Variants in RARB observed in about 807,000 individuals in gnomAD.
RARB encodes HBV-activated protein.
A neutral mutation model predicts 51.9 loss-of-function variants in RARB; 17 were observed. The observed-to-expected ratio is 0.33, with a 90% confidence interval of 0.22 to 0.49. The LOEUF is 0.49. Ranked by LOEUF, RARB falls within the 20% of genes least tolerant of loss-of-function variation. The probability of loss-of-function intolerance (pLI) is 0.99; values close to 1 mark genes in which losing one functional copy is unlikely to be tolerated. For missense variants in RARB, 369 were observed against 550.8 expected, an observed-to-expected ratio of 0.67 and a Z score of 3.30; for synonymous variants, 215 against 195.4, an observed-to-expected ratio of 1.10 and a Z score of -0.84.
intron 5 of RARB, among the ~76,000 whole-genome samples, chr3:25,404,409 C>T (rs1707350133): frequency 6.6e-6 from 1 of 152,164 alleles, no homozygotes; most frequent in Admixed American, 6.5e-5. Flanking sequence ...TCCCTGGAGC[C>T]ACCATTTTAC....
At chr3:25,033,528 T>A (rs961351945) in intron 2 of RARB, among the ~76,000 whole-genome samples, 1 of 152,198 alleles carries the variant, frequency 6.6e-6, no homozygotes, top group Non-Finnish European at 1.5e-5. Context: ...TGTCTCTATG[T>A]GGCTGCTGCT....
rs532844937 is a variant in RARB at position 25,143,455 on chromosome 3, C to T, written c.-280+11247C>T. On this transcript the variant is annotated intron_variant, in intron 4 of 11. Coordinates refer to the RARB transcript ENST00000383772. ...GTGTTCAGATGTGGATTGAGGCCCACCCGATCCAAAAGATGATGAGGCAGC... is the reference window on the plus strand; with the variant it reads ...GTGTTCAGATGTGGATTGAGGCCCATCCGATCCAAAAGATGATGAGGCAGC... Among the ~76,000 whole-genome samples the T allele has an allele frequency of 5.3e-5, 8 of 152,278 alleles. 1 individual carries two copies. The highest frequency in any genetic ancestry group is 1.9e-4 in the African/African-American group (8 of 41,536).
At chr3:25,112,662 C>T (rs1699622316) in intron 3 of RARB, among the ~76,000 whole-genome samples, 1 of 152,000 alleles carries the variant, frequency 6.6e-6, no homozygotes, top group South Asian at 2.1e-4. Context: ...CCTGTGGTCC[C>T]AGCTACTCAG....
chr3:25,057,949 C>T (rs530408205), intron 2 of RARB, among the ~76,000 whole-genome samples: 2 of 151,954 alleles, frequency 1.3e-5, no homozygotes, highest in African/African-American at 4.8e-5. Flanking sequence ...GAACAATTAT[C>T]ATTGTATTTG....
Position 25,330,685 on chromosome 3 carries a change from G to C in RARB, c.179-130508G>C, listed in dbSNP as rs188372775. ...ACAATACTAACCTTAAATGTAAATGGGTTAAATGCTCCAATTAAAAGACAC... is the reference window on the plus strand; with the variant it reads ...ACAATACTAACCTTAAATGTAAATGCGTTAAATGCTCCAATTAAAAGACAC... On this transcript the variant is annotated intron_variant, in intron 5 of 11. Transcript: ENST00000383772. 5.2e-3 allele frequency among the ~76,000 whole-genome samples: 799 copies of C among 152,250 alleles called. 4 individuals carry two copies. The highest frequency in any genetic ancestry group is 0.016 in the African/African-American group (681 of 41,548).
At chr3:25,533,624 G>C (rs1444681338) in intron 3 of RARB, among the ~76,000 whole-genome samples, 1 of 152,112 alleles carries the variant, frequency 6.6e-6, no homozygotes, top group Non-Finnish European at 1.5e-5. Context: ...GATATATCTA[G>C]GTTTCTACTT....
chr3:24,892,399 T>C (rs1366548871), intron 2 of RARB, among the ~76,000 whole-genome samples: 1 of 152,100 alleles, frequency 6.6e-6, no homozygotes, highest in Non-Finnish European at 1.5e-5. Flanking sequence ...GTTGATGGTA[T>C]AAACTGCTCA....
At chr3:24,928,293 T>G (rs2125391708) in intron 2 of RARB, among the ~76,000 whole-genome samples, 1 of 152,092 alleles carries the variant, frequency 6.6e-6, no homozygotes, top group Non-Finnish European at 1.5e-5. Flanking sequence ...ATCACATGCC[T>G]TTTGTACCAA....
intron 5 of RARB, among the ~76,000 whole-genome samples, chr3:25,396,341 G>A (rs934779248): frequency 6.6e-6 from 1 of 152,226 alleles, no homozygotes; most frequent in Non-Finnish European, 1.5e-5. Flanking sequence ...AATGCTGGTT[G>A]TACTAGCCGT....
intron 3 of RARB, among the ~76,000 whole-genome samples, chr3:25,562,907 C>A (rs1407827313): frequency 6.6e-6 from 1 of 152,224 alleles, no homozygotes; most frequent in Non-Finnish European, 1.5e-5. Flanking sequence ...TTGAAAGTTT[C>A]ATTAGCATAA....
At chr3:24,863,639 A>G (rs1702796050) in intron 2 of RARB, among the ~76,000 whole-genome samples, 1 of 152,268 alleles carries the variant, frequency 6.6e-6, no homozygotes, top group East Asian at 1.9e-4. Flanking sequence ...AATCCAATTT[A>G]ATTAGAGAAC....
intron 1 of RARB, among the ~76,000 whole-genome samples, chr3:25,451,724 A>G (rs931819103): frequency 1.3e-5 from 2 of 152,196 alleles, no homozygotes; most frequent in Non-Finnish European, 2.9e-5. Context: ...GTTTTCTGTC[A>G]GACTGGTACT....
At chr3:25,286,897 A>G (rs2125419324) in intron 5 of RARB, among the ~76,000 whole-genome samples, 1 of 152,340 alleles carries the variant, frequency 6.6e-6, no homozygotes, top group Middle Eastern at 3.4e-3. Flanking sequence ...CTTTTACTTC[A>G]AGATATCTAT....
rs190532318 is a variant in RARB at position 25,413,642 on chromosome 3, G to C, written c.179-47551G>C. Reference sequence around the variant, plus strand: ...TTTCTCCACATCTTCACCAACCCTTGGTATCTTGTTTTTTGTTTTTTGTTT... The same window carrying C: ...TTTCTCCACATCTTCACCAACCCTTCGTATCTTGTTTTTTGTTTTTTGTTT... On this transcript the variant is annotated intron_variant, in intron 5 of 11. Coordinates refer to the RARB transcript ENST00000383772. Among the ~76,000 whole-genome samples the C allele has an allele frequency of 1.1e-3, 164 of 151,190 alleles. 1 individual carries two copies. The highest frequency in any genetic ancestry group is 2.1e-4 in the Non-Finnish European group (14 of 67,928).
chr3:25,397,855 G>A (rs1002150889), intron 5 of RARB, among the ~76,000 whole-genome samples: 4 of 147,744 alleles, frequency 2.7e-5, no homozygotes, highest in Non-Finnish European at 5.9e-5. Flanking sequence ...AAAAATATGT[G>A]ATTTGTGAAA....
intron 5 of RARB, among the ~76,000 whole-genome samples, chr3:25,317,900 C>A (rs530340578): frequency 1.4e-5 from 2 of 141,388 alleles, no homozygotes; most frequent in South Asian, 4.9e-4. Context: ...CACCACCCAG[C>A]CTGTCTGAAT....
intron 5 of RARB, among the ~76,000 whole-genome samples, chr3:25,375,238 C>T (rs111899953): frequency 0.035 from 5,293 of 152,262 alleles, 116 homozygotes; most frequent in Middle Eastern, 0.065. Flanking sequence ...CTATGCATAG[C>T]AGGTGAGCCA....
At chr3:25,421,516 A>G (rs1707863757) in intron 5 of RARB, among the ~76,000 whole-genome samples, 1 of 147,160 alleles carries the variant, frequency 6.8e-6, no homozygotes, top group South Asian at 2.1e-4. Flanking sequence ...GGTTCAAGCA[A>G]TTCTTCTGCC....
intron 5 of RARB, among the ~76,000 whole-genome samples, chr3:25,176,071 C>T (rs1700737632): frequency 6.6e-6 from 1 of 152,118 alleles, no homozygotes; most frequent in Non-Finnish European, 1.5e-5. Context: ...AATTCCGTTG[C>T]TCAACTGGCC....
Sources: gnomAD v4.1 joint callset for allele counts (sites outside exome capture counted in the v4.1 genomes callset) on GRCh38, gnomAD v4.1.1 for gene constraint, MANE v1.5 for transcripts, NCBI Gene and HGNC (gene_info 2026-07-23, HGNC 2026-07-21) for gene names.